The following GART variants were observed in gnomAD, a reference collection of about 807,000 sequenced individuals.
The protein encoded by GART is trifunctional purine biosynthetic protein adenosine-3.
In GART, 43 loss-of-function variants were observed where a neutral mutation model predicts 107.2. The observed-to-expected ratio is 0.40, with a 90% confidence interval of 0.31 to 0.52. The LOEUF is 0.52. GART is among the 20% of genes least tolerant of loss of function. The pLI, the probability that GART is intolerant of heterozygous loss-of-function variation, is 0.52. For missense variants in GART, 1,107 were observed against 1,206.5 expected (o/e 0.92, Z 1.22); for synonymous variants, 434 against 427.0 (o/e 1.02, Z -0.20).
At chr21:33,521,951 C>CAA (rs1252653074) in intron 12 of GART, among the ~76,000 whole-genome samples, 2 of 82,776 alleles carry the variant, frequency 2.4e-5, no homozygotes, top group Admixed American at 1.2e-4. Context: ...ACTCTTGTCT[C>CAA]AAAAAAAAAA....
At chr21:33,535,872 A>G (rs2085295495) in intron 2 of GART, among the ~76,000 whole-genome samples, 1 of 152,142 alleles carries the variant, frequency 6.6e-6, no homozygotes, top group Non-Finnish European at 1.5e-5. Flanking sequence ...TACTAAAAAT[A>G]CAAAAAGTAG....
chr21:33,513,180 G>T (rs889664395), intron 16 of GART, among the ~76,000 whole-genome samples: 1 of 151,148 alleles, frequency 6.6e-6, no homozygotes, highest in African/African-American at 2.4e-5. Flanking sequence ...GGCCAGGCTG[G>T]TCTTGAACTC....
At chr21:33,519,495 A>C (rs1217363108) in intron 14 of GART, among the ~76,000 whole-genome samples, 1 of 151,052 alleles carries the variant, frequency 6.6e-6, no homozygotes, top group Non-Finnish European at 1.5e-5. Flanking sequence ...CAGAGCTTGC[A>C]GTGAGCCAAG....
rs138272749 is a variant in GART at position 33,534,718 on chromosome 21, A to T, written c.277T>A (p.Cys93Ser). ...VGNLRSAGVQ[C>S]FGPTAEAAQL... ...GCCGCTTCTGCTGTTGGGCCAAAGC[A>T]TTGCACTCCTGCAGACCTCAGGTTC... Residue 93 changes from cysteine to serine, a missense_variant, in exon 4 of 22, where the codon TGC (cysteine) becomes AGC (serine). Physicochemically the swap from Cys to Ser is moderately radical, Grantham distance 112. Coordinates refer to ENST00000381815, the MANE Select transcript of GART (RefSeq NM_000819.5). 1,553 of 1,608,120 alleles carry T rather than the reference A, an allele frequency of 9.7e-4. 6 individuals carry two copies. The highest frequency in any genetic ancestry group is 4.5e-3 in the Middle Eastern group (27 of 6,018).
At position 33,504,401 on chromosome 21, in the gene GART, G is replaced by C. The variant is rs2070388; in HGVS notation, c.2841+11C>G. The C allele has an allele frequency of 0.11, 171,259 of 1,610,698 alleles. 10,573 individuals carry two copies. Among genetic ancestry groups the C allele is most frequent in the East Asian group, 0.24 (10,689 of 44,794 alleles). On this transcript the variant is annotated intron_variant, in intron 21 of 21. Coordinates refer to ENST00000381815, the MANE Select transcript of GART (RefSeq NM_000819.5). The stretch of plus-strand genomic sequence containing the variant: ...TACTAATATTATGTTGGTAGAAAAA[G>C]ACATACTCACAGCTACAAAGTGTAC...
Position 33,509,843 on chromosome 21 carries a change from T to C in GART, c.2392A>G (p.Thr798Ala). 6.2e-7 allele frequency: 1 copy of C among 1,613,850 alleles called. No individual in the cohort carries two copies. Among genetic ancestry groups the C allele is most frequent in the South Asian group, 1.1e-5 (1 of 91,068 alleles). The change falls in exon 18 of 22, where the codon ACA (threonine) becomes GCA (alanine). Residue 798 changes from threonine (T) to alanine (A), a missense_variant. Transcript: ENST00000381815. ...NGSVLKNGSL[T>A]NHFSFEKKKA... ...TTTTTTTCAAAAGAGAAATGATTTG[T>C]CAGGGAGCCATTCTTCAACACTGAC...
At chr21:33,513,808 T>G (rs189747925) in intron 16 of GART, among the ~76,000 whole-genome samples, 4 of 152,332 alleles carry the variant, frequency 2.6e-5, no homozygotes, top group Non-Finnish European at 5.9e-5. Flanking sequence ...AAGGAGATAG[T>G]GATGACATAT....
In GART at chr21:33,517,118, T is replaced by C; in HGVS notation, c.1978A>G (p.Arg660Gly). 6.2e-7 allele frequency: 1 copy of C among 1,611,386 alleles called. No homozygotes were observed. Among genetic ancestry groups the C allele is most frequent in the South Asian group, 1.1e-5 (1 of 90,200 alleles). Residue 660 changes from arginine to glycine, a missense_variant, in exon 16 of 22, where the codon AGA (arginine) becomes GGA (glycine). Coordinates refer to ENST00000381815, the MANE Select transcript of GART (RefSeq NM_000819.5). ...TLGDLLLTPT[R>G]IYSHSLLPVL... is the part of the protein sequence containing the mutation. The stretch of plus-strand genomic sequence containing the variant: ...GGTAACAGTGAATGGCTGTAGATTC[T>C]GGTAGGCGTGAGAAGTAAGTCCCCT...
chr21:33,533,507 A>G (rs2085238699), intron 4 of GART, among the ~76,000 whole-genome samples: 1 of 151,758 alleles, frequency 6.6e-6, no homozygotes, highest in Non-Finnish European at 1.5e-5. Context: ...TAAAATGGCA[A>G]TAGTGGTGGC....
At chr21:33,508,849 C>G (rs1468055328) in intron 18 of GART, among the ~76,000 whole-genome samples, 1 of 152,126 alleles carries the variant, frequency 6.6e-6, no homozygotes, top group Non-Finnish European at 1.5e-5. Context: ...CATGTACCCA[C>G]TGTTTAGCTC....
At chr21:33,533,965 C>T (rs1023097723) in intron 4 of GART, among the ~76,000 whole-genome samples, 3 of 151,974 alleles carry the variant, frequency 2.0e-5, no homozygotes, top group Non-Finnish European at 4.4e-5. Flanking sequence ...CTGTGAAGAG[C>T]GCACAACTGC....
chr21:33,535,354 C>T (rs2085284510), intron 2 of GART, 34 bp from the exon 3 acceptor site: 1 of 1,199,498 alleles, frequency 8.3e-7, no homozygotes, highest in African/African-American at 1.6e-5. Flanking sequence ...AAAACCACTG[C>T]ATTTACAAAA....
At position 33,532,402 on chromosome 21, in the gene GART, C is replaced by A. The variant is rs770183784; in HGVS notation, c.471G>T (p.Gly157=). 38 of 1,613,952 alleles carry A rather than the reference C, an allele frequency of 2.4e-5. No individual in the cohort carries two copies. Among genetic ancestry groups the A allele is most frequent in the Non-Finnish European group, 3.1e-5 (36 of 1,180,030 alleles). The change falls in exon 5 of 22, where the codon GGG becomes GGT. Residue 157 remains glycine (G), a synonymous_variant. Coordinates refer to ENST00000381815, the MANE Select transcript of GART (RefSeq NM_000819.5). ...VKASGLAAGK[G]VIVAKSKEEA... ...CTTCTTTGCTCTTTGCAACAATCAC[C>A]CCTTTTCCAGCTGCAAGACCACTGG...
intron 1 of GART, 39 bp from the exon 2 acceptor site, chr21:33,539,395 C>T: frequency 6.7e-7 from 1 of 1,500,930 alleles, no homozygotes; most frequent in Non-Finnish European, 9.0e-7. Context: ...TTAGGATGCA[C>T]ATTTTAGAAA....
intron 18 of GART, among the ~76,000 whole-genome samples, chr21:33,508,390 A>G (rs1252918722): frequency 6.6e-6 from 1 of 152,026 alleles, no homozygotes; most frequent in African/African-American, 2.4e-5. Context: ...GGAATGTTGT[A>G]TAATGGTGGG....
rs185839496 is a variant in GART, at chr21:33,508,514, T to C, written c.2452+1269A>G. On this transcript the variant is annotated intron_variant, in intron 18 of 21. Coordinates refer to ENST00000381815, the MANE Select transcript of GART (RefSeq NM_000819.5). Reference sequence around the variant, plus strand: ...CCCTGTTTTGTATCTATTGTTTCCATCTTTTTTTTTTTTTTTTTTTTTGAG... The same window carrying C: ...CCCTGTTTTGTATCTATTGTTTCCACCTTTTTTTTTTTTTTTTTTTTTGAG... Among the ~76,000 whole-genome samples the C allele has an allele frequency of 2.1e-4, 28 of 135,728 alleles. No homozygotes were observed. The East Asian group carries it at 4.7e-3, about 23-fold the overall frequency. The allele number at this position is 135,728 out of a possible 152,430, so 89.0% of individuals were successfully genotyped here.
At chr21:33,508,913 A>C (rs1022837151) in intron 18 of GART, among the ~76,000 whole-genome samples, 7 of 152,096 alleles carry the variant, frequency 4.6e-5, no homozygotes, top group African/African-American at 1.7e-4. Context: ...GAGGCAGTTC[A>C]CTCAGGATAA....
chr21:33,528,764 A>G (rs2085124732), intron 8 of GART, 86 bp downstream of exon 8: 1 of 1,184,266 alleles, frequency 8.4e-7, no homozygotes, highest in African/African-American at 1.6e-5. Context: ...GGTAAAAAAA[A>G]AAAAAAAAGG....
intron 7 of GART, among the ~76,000 whole-genome samples, chr21:33,529,922 T>C (rs187476997): frequency 1.8e-3 from 279 of 151,770 alleles, no homozygotes; most frequent in African/African-American, 3.4e-3. Context: ...AGGCCAGGCA[T>C]GGTAGCTCAC....
Sources: gnomAD v4.1 joint callset for allele counts (sites outside exome capture counted in the v4.1 genomes callset) on GRCh38, gnomAD v4.1.1 for gene constraint, MANE v1.5 for transcripts, NCBI Gene and HGNC (gene_info 2026-07-23, HGNC 2026-07-21) for gene names.